Variants in ITGB2 observed in about 807,000 individuals in gnomAD.
ITGB2 encodes the protein integrin beta-2.
ITGB2 carries 56 observed loss-of-function variants against 86.8 expected under a neutral mutation model. The observed-to-expected ratio is 0.65, with a 90% confidence interval of 0.52 to 0.81. The LOEUF (loss-of-function observed/expected upper bound fraction) is 0.81. ITGB2 is among the 30% of genes least tolerant of loss of function. The probability of loss-of-function intolerance (pLI) is 0.00; values close to 1 mark genes in which losing one functional copy is unlikely to be tolerated. For synonymous variants in ITGB2, 457 were observed against 450.4 expected, an observed-to-expected ratio of 1.01 and a Z score of -0.19; for missense variants, 948 against 1,061.2, an observed-to-expected ratio of 0.89 and a Z score of 1.48.
At chr21:44,894,901 G>A in intron 9 of ITGB2, 70 bp downstream of exon 9, 2 of 1,075,464 alleles carry the variant, frequency 1.9e-6, no homozygotes, top group Non-Finnish European at 2.9e-6. Flanking sequence ...ACCTGCAGCA[G>A]GAGCTGACCT....
chr21:44,904,905 C>T (rs2084020369), intron 4 of ITGB2, among the ~76,000 whole-genome samples: 1 of 152,226 alleles, frequency 6.6e-6, no homozygotes, highest in Non-Finnish European at 1.5e-5. Context: ...GCACTCCTGG[C>T]CCTGGCCCTC....
chr21:44,904,836 C>A (rs1216301106), intron 4 of ITGB2, among the ~76,000 whole-genome samples: 1 of 151,942 alleles, frequency 6.6e-6, no homozygotes, highest in Non-Finnish European at 1.5e-5. Context: ...ACCATGCATA[C>A]ACACACACCA....
At chr21:44,905,059 A>C (rs1277816635) in intron 4 of ITGB2, among the ~76,000 whole-genome samples, 1 of 152,254 alleles carries the variant, frequency 6.6e-6, no homozygotes, top group Non-Finnish European at 1.5e-5. Context: ...GGAGGCAGCC[A>C]AGACCATGTC....
chr21:44,896,002 C>G (rs1300764323), intron 8 of ITGB2, among the ~76,000 whole-genome samples: 1 of 151,686 alleles, frequency 6.6e-6, no homozygotes, highest in Non-Finnish European at 1.5e-5. Flanking sequence ...CGTGTGAGTC[C>G]TCCTGCCTGC....
At chr21:44,903,592 GGGGGC>G in intron 4 of ITGB2, 57 bp from the exon 5 acceptor site, 1 of 1,603,200 alleles carries the variant, frequency 6.2e-7, no homozygotes, top group Non-Finnish European at 8.5e-7. Context: ...CAGGGTGTCT[GGGGGC>G]GTGTGGCCCC....
chr21:44,910,433 G>C, intron 2 of ITGB2, 61 bp from the exon 3 acceptor site: 1 of 1,611,716 alleles, frequency 6.2e-7, no homozygotes, highest in Non-Finnish European at 8.5e-7. Context: ...CACCCAAGGG[G>C]GAGTAGAGCA....
At chr21:44,891,617 G>T (rs1386078549) in intron 11 of ITGB2, among the ~76,000 whole-genome samples, 192 bp downstream of exon 11, 1 of 152,190 alleles carries the variant, frequency 6.6e-6, no homozygotes, top group Non-Finnish European at 1.5e-5. Context: ...CAGGAGCACG[G>T]GTGAGGGCTT....
chr21:44,910,799 G>C lies in ITGB2; in HGVS notation c.-3-14C>G, dbSNP rs988528138. On this transcript the variant is annotated splice_polypyrimidine_tract_variant and intron_variant, in intron 1 of 15. Transcript: ENST00000652462. ...GCCCAGCATGTCCTGTGGAGGGAAG[G>C]GGTCTTGGTGACGGTCTCAGGCCCA... The C allele has an allele frequency of 1.9e-6, 3 of 1,611,590 alleles. No individual in the cohort carries two copies. Among genetic ancestry groups the C allele is most frequent in the East Asian group, 2.2e-5 (1 of 44,730 alleles).
intron 1 of ITGB2, among the ~76,000 whole-genome samples, chr21:44,917,630 G>A (rs115397927): frequency 0.012 from 1,819 of 152,238 alleles, 28 homozygotes; most frequent in African/African-American, 0.042. Context: ...ACAGGGGCTT[G>A]CCAGCCTCTC....
chr21:44,900,343 A>G lies in ITGB2; in HGVS notation c.874T>C (p.Leu292=). 2 of 1,614,144 alleles carry G rather than the reference A, an allele frequency of 1.2e-6. No homozygotes were observed. The highest frequency in any genetic ancestry group is 1.7e-6 in the Non-Finnish European group (2 of 1,180,012). The change falls in exon 7 of 16, where the codon TTG becomes CTG. Residue 292 remains leucine (L), a synonymous_variant. Coordinates refer to ENST00000652462, the MANE Select transcript of ITGB2 (RefSeq NM_000211.5). ...ACGAATTCGTTGCTCCTCTTGTACA[A>G]GTTGTCCTCCAGGTGACAGCGGCCG... The part of the protein sequence containing the change: ...NDGRCHLEDN[L]YKRSNEFDYP...
chr21:44,886,046 C>A lies in ITGB2; in HGVS notation c.*322G>T, dbSNP rs1198841500. On this transcript the variant is annotated 3_prime_UTR_variant, in exon 16 of 16. Transcript: ENST00000652462. ...AATGGGATGTCATTTTATACCCTGA[C>A]AAGTTTAAATGTAAATAAATTGGCA... is the stretch of plus-strand genomic sequence containing the variant. 1.9e-5 allele frequency: 8 copies of A among 417,578 alleles called. No individual in the cohort carries two copies. The East Asian group carries it at 3.3e-4, about 17-fold the overall frequency. 25.9% of individuals were successfully genotyped at this position (417,578 alleles called of 1,614,324 possible).
upstream of ITGB2, among the ~76,000 whole-genome samples, chr21:44,925,597 A>G (rs1284476310): frequency 6.6e-6 from 1 of 152,248 alleles, no homozygotes; most frequent in Admixed American, 6.5e-5. Context: ...CAAAAAGATC[A>G]TTGTTGTCCA....
chr21:44,916,200 C>T (rs183291159), intron 1 of ITGB2, among the ~76,000 whole-genome samples: 45 of 152,194 alleles, frequency 3.0e-4, no homozygotes, highest in South Asian at 1.5e-3. Context: ...GGATTACAGG[C>T]GTGAGCCACT....
intron 1 of ITGB2, among the ~76,000 whole-genome samples, chr21:44,911,650 G>T (rs1249298419): frequency 6.6e-6 from 1 of 152,218 alleles, no homozygotes; most frequent in Non-Finnish European, 1.5e-5. Context: ...GCCACCAGTT[G>T]CCGGGGTCCT....
intron 8 of ITGB2, among the ~76,000 whole-genome samples, chr21:44,895,619 A>C (rs535289354): frequency 1.3e-5 from 2 of 152,198 alleles, no homozygotes; most frequent in African/African-American, 4.8e-5. Flanking sequence ...AAGTGGGTGG[A>C]TCACTGAGGT....
chr21:44,902,356 T>G (rs1417011832), intron 5 of ITGB2, among the ~76,000 whole-genome samples: 1 of 152,238 alleles, frequency 6.6e-6, no homozygotes, highest in Non-Finnish European at 1.5e-5. Context: ...TGTGTGAGCA[T>G]GCATTTGTGT....
rs879762509 is a variant in ITGB2, at chr21:44,911,302, G to GAC, written c.-3-519_-3-518dup. The GAC allele has an allele frequency of 6.3e-5, 13 of 206,066 alleles. No individual in the cohort carries two copies. The Admixed American group carries it at 6.3e-4, about 10-fold the overall frequency. The allele number at this position is 206,066 out of a possible 1,614,324, so 12.8% of individuals were successfully genotyped here. A position where few individuals can be genotyped will look rare whatever the true frequency, so the allele number is the denominator to read the frequency against. ...CGTACACACACATACACACCACACA[G>GAC]ACACACACACCACACGCACACACCA... On this transcript the variant is annotated intron_variant, in intron 1 of 15. Transcript: ENST00000652462.
At chr21:44,925,418 GGGAGGGAAGGAA>G (rs148539186), upstream of ITGB2, among the ~76,000 whole-genome samples, 9,725 of 115,678 alleles carry the variant, frequency 0.084, 788 homozygotes, top group Admixed American at 0.13. Context: ...AAGGGAGGGA[GGGAGGGAAGGAA>G]GGAAGGAAGG....
At chr21:44,910,906 G>A in intron 1 of ITGB2, 121 bp from the exon 2 acceptor site, 6 of 984,876 alleles carry the variant, frequency 6.1e-6, no homozygotes, top group Non-Finnish European at 9.2e-6. Context: ...GCTGCAGGGG[G>A]TGGGTTAGGG....
Sources: allele counts gnomAD v4.1 joint callset (sites outside exome capture counted in the v4.1 genomes callset), GRCh38; gene constraint gnomAD v4.1.1; transcripts MANE v1.5; gene names NCBI Gene and HGNC (gene_info 2026-07-23, HGNC 2026-07-21).